The following UBIAD1 variants were observed in gnomAD, a reference collection of about 807,000 sequenced individuals.
UBIAD1 encodes UbiA prenyltransferase domain containing 1.
UBIAD1 carries 12 observed loss-of-function variants against 20.1 expected under a neutral mutation model. That is an observed-to-expected ratio of 0.60 (90% confidence interval 0.38 to 0.97). UBIAD1 has a LOEUF of 0.97. UBIAD1 is among the 50% of genes least tolerant of loss of function. UBIAD1 has a pLI of 0.00. For missense variants in UBIAD1, 333 were observed against 419.5 expected, an observed-to-expected ratio of 0.79 and a Z score of 1.80; for synonymous variants, 207 against 189.2, an observed-to-expected ratio of 1.09 and a Z score of -0.77.
chr1:11,281,758 C>A (rs1652248629), intron 1 of UBIAD1, among the ~76,000 whole-genome samples: 1 of 152,196 alleles, frequency 6.6e-6, no homozygotes, highest in South Asian at 2.1e-4. Context: ...AGGAAAAGAA[C>A]CACTGTTCTG....
downstream of UBIAD1, among the ~76,000 whole-genome samples, chr1:11,291,136 C>T (rs969851689): frequency 1.3e-5 from 2 of 152,168 alleles, no homozygotes; most frequent in Non-Finnish European, 2.9e-5. Context: ...ATAAGGAAGG[C>T]AGAAATTCTG....
chr1:11,282,964 G>A (rs1028749091), intron 1 of UBIAD1, among the ~76,000 whole-genome samples: 1 of 151,380 alleles, frequency 6.6e-6, no homozygotes, highest in Non-Finnish European at 1.5e-5. Context: ...GGGTTCAAGC[G>A]GTTCTTCTGC....
At position 11,286,033 on chromosome 1, in the gene UBIAD1, A is replaced by G; in HGVS notation, c.919A>G (p.Lys307Glu). 6.2e-7 allele frequency: 1 copy of G among 1,614,122 alleles called. No individual in the cohort carries two copies. Among genetic ancestry groups the G allele is most frequent in the Non-Finnish European group, 8.5e-7 (1 of 1,180,000 alleles). Residue 307 changes from lysine (K) to glutamate (E), a missense_variant, in exon 2 of 2, where the codon AAA becomes GAA. Physicochemically the swap from Lys to Glu is moderately conservative, Grantham distance 56 (BLOSUM62 1). This residue lies in a region of UBIAD1 where 226 missense variants were observed against 263.5 expected (regional missense o/e 0.86). Transcript: ENST00000376810. ...ERQFRSQAFN[K>E]LPQRTAKLNL... ...ACAGTTTCGAAGCCAGGCCTTCAAC[A>G]AACTGCCCCAGAGGACTGCCAAGCT...
At chr1:11,281,012 C>T (rs1171497618) in intron 1 of UBIAD1, among the ~76,000 whole-genome samples, 5 of 151,998 alleles carry the variant, frequency 3.3e-5, no homozygotes, top group Non-Finnish European at 7.4e-5. Flanking sequence ...TTCTCTGACC[C>T]ACCCTCCTCC....
chr1:11,273,479 G>T lies in UBIAD1; in HGVS notation c.-53G>T. 1 of 1,605,238 alleles carries T rather than the reference G, an allele frequency of 6.2e-7. No homozygotes were observed. The highest frequency in any genetic ancestry group is 1.7e-5 in the Admixed American group (1 of 60,014). Reference sequence around the variant, plus strand: ...GCCCCGTCCTTCCTCCTTCCCGGGCGGTCACTGTGCGTGGCTCACTTTTAG... The same window carrying T: ...GCCCCGTCCTTCCTCCTTCCCGGGCTGTCACTGTGCGTGGCTCACTTTTAG... On this transcript the variant is annotated 5_prime_UTR_variant, in exon 1 of 2. Coordinates refer to ENST00000376810, the MANE Select transcript of UBIAD1 (RefSeq NM_013319.3). This position sits in a 1 kb window ranked among gnomAD's most constrained non-coding sequence, Gnocchi z 4.9.
chr1:11,293,021 T>G (rs1321166600), downstream of UBIAD1, among the ~76,000 whole-genome samples: 3 of 151,972 alleles, frequency 2.0e-5, no homozygotes, highest in Non-Finnish European at 4.4e-5. Flanking sequence ...AAAGGCTGAG[T>G]CTGGGCTCAT....
chr1:11,281,573 A>G (rs1652242439), intron 1 of UBIAD1, among the ~76,000 whole-genome samples: 3 of 152,222 alleles, frequency 2.0e-5, no homozygotes, highest in Admixed American at 2.0e-4. Flanking sequence ...TTGACATATA[A>G]TTGACACACA....
chr1:11,295,671 A>T (rs1638435872), downstream of UBIAD1: 2 of 152,288 alleles, frequency 1.3e-5, no homozygotes, highest in African/African-American at 4.8e-5. Flanking sequence ...AGGCCAAGGG[A>T]ATACCAGGTG....
chr1:11,275,554 AACAT>A (rs943058166), intron 1 of UBIAD1, among the ~76,000 whole-genome samples: 3 of 152,210 alleles, frequency 2.0e-5, no homozygotes, highest in African/African-American at 7.2e-5. Context: ...CAGCCTGGGC[AACAT>A]AGACCCCTGT....
chr1:11,289,073 A>G (rs1638318960), downstream of UBIAD1, among the ~76,000 whole-genome samples: 1 of 152,216 alleles, frequency 6.6e-6, no homozygotes. Context: ...GATTGAGTAC[A>G]TGTGGGTTTC....
intron 1 of UBIAD1, among the ~76,000 whole-genome samples, chr1:11,280,801 G>A (rs1274865602): frequency 1.3e-5 from 2 of 152,026 alleles, no homozygotes. Flanking sequence ...GCTCCCAACT[G>A]GTCTCTTTAC....
intron 1 of UBIAD1, chr1:11,293,526 T>G (rs1248894373): frequency 6.6e-6 from 1 of 152,222 alleles, no homozygotes; most frequent in Non-Finnish European, 1.5e-5. Flanking sequence ...TAACTGGTTG[T>G]TGAATGACTG....
chr1:11,292,756 A>G (rs2101028252), downstream of UBIAD1, among the ~76,000 whole-genome samples: 1 of 151,712 alleles, frequency 6.6e-6, no homozygotes, highest in Non-Finnish European at 1.5e-5. Flanking sequence ...AGTGAGAGGG[A>G]TGACAGCTCC....
chr1:11,291,606 C>CAAA (rs771883369), downstream of UBIAD1, among the ~76,000 whole-genome samples: 3 of 56,342 alleles, frequency 5.3e-5, no homozygotes, highest in Non-Finnish European at 8.0e-5. Flanking sequence ...GACTTCATCT[C>CAAA]AAAAAAAAAA....
downstream of UBIAD1, among the ~76,000 whole-genome samples, chr1:11,289,377 A>G (rs1008776719): frequency 3.3e-5 from 5 of 152,230 alleles, no homozygotes; most frequent in African/African-American, 9.6e-5. Context: ...AGCCTCATAA[A>G]TCAAAAGGCT....
chr1:11,291,625 A>G (rs1557522605), downstream of UBIAD1, among the ~76,000 whole-genome samples: 1 of 151,374 alleles, frequency 6.6e-6, no homozygotes, highest in East Asian at 1.9e-4. Context: ...AAAAAAAAAA[A>G]GAAATATGGA....
At chr1:11,274,099 C>T (rs1158166129) in intron 1 of UBIAD1, 39 bp downstream of exon 1, 15 of 1,612,210 alleles carry the variant, frequency 9.3e-6, no homozygotes, top group Non-Finnish European at 1.3e-5. Flanking sequence ...AGGTCTTAGT[C>T]GCGTCCACTG....
At chr1:11,277,942 C>A (rs1652111558) in intron 1 of UBIAD1, among the ~76,000 whole-genome samples, 1 of 152,018 alleles carries the variant, frequency 6.6e-6, no homozygotes. Flanking sequence ...CCTCTCCTGG[C>A]CTCTGTTTTC....
chr1:11,291,437 G>T (rs879836722), downstream of UBIAD1, among the ~76,000 whole-genome samples: 2 of 135,712 alleles, frequency 1.5e-5, no homozygotes, highest in Non-Finnish European at 3.4e-5. Context: ...GCAAAACCCT[G>T]TCTCTACAAA....
Sources: allele counts gnomAD v4.1 joint callset (sites outside exome capture counted in the v4.1 genomes callset), GRCh38; gene constraint gnomAD v4.1.1; regional missense constraint gnomAD v4.1.1; non-coding constraint Gnocchi (gnomAD v3.1); transcripts MANE v1.5; gene names NCBI Gene and HGNC (gene_info 2026-07-23, HGNC 2026-07-21).